GPATCH1: variants seen among roughly 807,000 people sequenced by gnomAD.
GPATCH1 encodes the protein G-patch domain containing 1, also known as G patch domain-containing protein 1.
In GPATCH1, 73 loss-of-function variants were observed where a neutral mutation model predicts 114.9. That is an observed-to-expected ratio of 0.64 (90% CI 0.53 to 0.77). GPATCH1 has a LOEUF of 0.77. GPATCH1 is among the 30% of genes least tolerant of loss of function. The probability of loss-of-function intolerance (pLI) is 0.00; values close to 1 mark genes in which losing one functional copy is unlikely to be tolerated. For missense variants in GPATCH1, 1,058 were observed against 1,144.3 expected, an observed-to-expected ratio of 0.92 and a Z score of 1.09; for synonymous variants, 391 against 428.4, an observed-to-expected ratio of 0.91 and a Z score of 1.08.
chr19:33,095,660 C>T, intron 5 of GPATCH1, 102 bp from the exon 6 acceptor site: 1 of 800,558 alleles, frequency 1.2e-6, no homozygotes, highest in Admixed American at 1.7e-5. Context: ...CCTCAGCCTC[C>T]CAGAGTGCTG....
rs1476326324 is a variant in GPATCH1 at position 33,111,907 on chromosome 19, G to A, written c.1764+5G>A. The A allele has an allele frequency of 1.2e-6, 2 of 1,606,570 alleles. No individual in the cohort carries two copies. The highest frequency in any genetic ancestry group is 2.2e-5 in the South Asian group (2 of 90,892). On this transcript the variant is annotated splice_donor_5th_base_variant and intron_variant, in intron 12 of 19. Coordinates refer to ENST00000170564, the MANE Select transcript of GPATCH1 (RefSeq NM_018025.3). ...GAAGTCCCTCGAGACCAAGAGGTCT[G>A]TTGTCACCATGTCCCTTACCTGGTG...
intron 15 of GPATCH1, among the ~76,000 whole-genome samples, 187 bp downstream of exon 15, chr19:33,114,606 G>T (rs1476766782): frequency 6.6e-6 from 1 of 152,144 alleles, no homozygotes; most frequent in Non-Finnish European, 1.5e-5. Context: ...GCATTCATGT[G>T]CAAGTTTTTG....
intron 15 of GPATCH1, among the ~76,000 whole-genome samples, chr19:33,115,695 T>C (rs1972909685): frequency 6.6e-6 from 1 of 151,884 alleles, no homozygotes; most frequent in African/African-American, 2.4e-5. Flanking sequence ...GGTTTCTCCA[T>C]GTTGGTCAGG....
In GPATCH1 at chr19:33,118,998, G is replaced by A. The variant is rs1230259925; in HGVS notation, c.2414-12G>A. 2.0e-5 allele frequency: 31 copies of A among 1,538,582 alleles called. 1 individual carries two copies. The Admixed American group carries it at 3.0e-4, about 15-fold the overall frequency. On this transcript the variant is annotated splice_polypyrimidine_tract_variant and intron_variant, in intron 16 of 19. Coordinates refer to ENST00000170564, the MANE Select transcript of GPATCH1 (RefSeq NM_018025.3). ...GGCAGACGAATGACATGAACACCCC[G>A]CTGTTTTTCAGCTCTTGTGCCAGCA... is the stretch of plus-strand genomic sequence containing the variant.
intron 3 of GPATCH1, among the ~76,000 whole-genome samples, chr19:33,091,840 T>C (rs1185146637): frequency 6.6e-6 from 1 of 152,138 alleles, no homozygotes; most frequent in Non-Finnish European, 1.5e-5. Context: ...CATTCTTTTT[T>C]TGAGTAGCAT....
At position 33,106,741 on chromosome 19, in the gene GPATCH1, A is replaced by G; in HGVS notation, c.1127A>G (p.Tyr376Cys). 6.2e-7 allele frequency: 1 copy of G among 1,613,990 alleles called. No homozygotes were observed. Among genetic ancestry groups the G allele is most frequent in the African/African-American group, 1.3e-5 (1 of 75,026 alleles). The change falls in exon 10 of 20, where the codon TAT becomes TGT. Residue 376 changes from tyrosine (Y) to cysteine (C), a missense_variant. Tyr to Cys is a radical substitution (Grantham distance 194). Around this residue, in one of 3 missense-constraint regions of GPATCH1, gnomAD observed 893 missense variants for 977.4 expected, o/e 0.91. Coordinates refer to ENST00000170564, the MANE Select transcript of GPATCH1 (RefSeq NM_018025.3). Reference sequence around the variant, plus strand: ...CCAAGAGACTATCGACCAGTGCATTATTTCAGACCCATGGTGGCCGCCACC... The same window carrying G: ...CCAAGAGACTATCGACCAGTGCATTGTTTCAGACCCATGGTGGCCGCCACC... ...ELPRDYRPVH[Y>C]FRPMVAATSE...
At chr19:33,106,027 T>G (rs982790986) in intron 9 of GPATCH1, among the ~76,000 whole-genome samples, 3 of 151,872 alleles carry the variant, frequency 2.0e-5, no homozygotes, top group Non-Finnish European at 4.4e-5. Flanking sequence ...TTTTGTATTT[T>G]TAGTAGAGAT....
intron 8 of GPATCH1, among the ~76,000 whole-genome samples, chr19:33,101,094 T>G (rs1972720985): frequency 6.6e-6 from 1 of 152,236 alleles, no homozygotes; most frequent in African/African-American, 2.4e-5. Flanking sequence ...TTCACCTAGT[T>G]TTACACATGA....
At chr19:33,112,875 C>A in intron 13 of GPATCH1, 1 of 305,558 alleles carries the variant, frequency 3.3e-6, no homozygotes, top group South Asian at 7.0e-5. Context: ...AAGCATTATG[C>A]CTCTCTCATT....
intron 9 of GPATCH1, among the ~76,000 whole-genome samples, chr19:33,102,397 ATTTT>A (rs35403942): frequency 2.2e-5 from 3 of 135,258 alleles, no homozygotes; most frequent in East Asian, 2.2e-4. Context: ...TCTAATTTCT[ATTTT>A]TTTTTTTTTT....
Position 33,109,976 on chromosome 19 carries a change from A to G in GPATCH1, c.1545A>G (p.Arg515=), listed in dbSNP as rs371408477. 2 of 1,613,814 alleles carry G rather than the reference A, an allele frequency of 1.2e-6. No homozygotes were observed. Among genetic ancestry groups the G allele is most frequent in the Non-Finnish European group, 1.7e-6 (2 of 1,179,914 alleles). The part of the protein sequence containing the change: ...PFAKDPEKQK[R]YDEFLVHMKQ... The stretch of plus-strand genomic sequence containing the variant: ...CCAAAGATCCGGAAAAGCAAAAGCG[A>G]TACGACGAGTTCTTAGTACACATGA... The change falls in exon 11 of 20, where the codon CGA becomes CGG. Residue 515 remains arginine, a synonymous_variant. Transcript: ENST00000170564.
At chr19:33,108,417 G>T (rs13345828) in intron 10 of GPATCH1, among the ~76,000 whole-genome samples, 39,830 of 151,782 alleles carry the variant, frequency 0.26, 8,831 homozygotes, top group African/African-American at 0.6. Context: ...TTCCTCCCCT[G>T]GAACACGCCG....
chr19:33,127,153 G>C (rs146198944), intron 19 of GPATCH1, among the ~76,000 whole-genome samples: 51 of 149,718 alleles, frequency 3.4e-4, no homozygotes, highest in African/African-American at 9.7e-4. Context: ...AAAAAAAAAT[G>C]TGTGTATTAA....
intron 8 of GPATCH1, among the ~76,000 whole-genome samples, chr19:33,099,003 A>C (rs981169641): frequency 1.3e-5 from 2 of 150,594 alleles, no homozygotes; most frequent in Non-Finnish European, 3.0e-5. Context: ...TTCTGTCCCC[A>C]AACTATGGAT....
At chr19:33,122,326 C>CT (rs35388450) in intron 17 of GPATCH1, among the ~76,000 whole-genome samples, 153 of 116,128 alleles carry the variant, frequency 1.3e-3, no homozygotes, top group East Asian at 1.5e-3. Flanking sequence ...CCTTTAGTTT[C>CT]TTTTTTTTTT....
chr19:33,130,132 T>C lies in GPATCH1; in HGVS notation c.2768T>C (p.Leu923Pro), dbSNP rs1227527534. Reference protein sequence around the residue: ...DVSPQELLRRLKSLPLRRQ With the variant: ...DVSPQELLRRPKSLPLRRQ ...CTCTTTTCTGTTTTCTTTTCCAGGC[T>C]GAAAAGTCTTCCACTAAGAAGGCAG... Residue 923 changes from leucine to proline, a missense_variant and splice_region_variant, in exon 20 of 20, where the codon CTG (leucine) becomes CCG (proline). Physicochemically the swap from Leu to Pro is moderately conservative, Grantham distance 98 (BLOSUM62 -3). Transcript: ENST00000170564. 6.2e-7 allele frequency: 1 copy of C among 1,610,936 alleles called. No homozygotes were observed. The highest frequency in any genetic ancestry group is 8.5e-7 in the Non-Finnish European group (1 of 1,177,260).
At chr19:33,093,647 G>A (rs1033165549) in intron 4 of GPATCH1, 128 bp downstream of exon 4, 12 of 886,302 alleles carry the variant, frequency 1.4e-5, no homozygotes, top group Non-Finnish European at 1.9e-5. Flanking sequence ...AAGTGAAAAA[G>A]GGGGTTTTGC....
chr19:33,111,159 A>G (rs1005905170), intron 11 of GPATCH1, among the ~76,000 whole-genome samples: 6 of 151,272 alleles, frequency 4.0e-5, no homozygotes, highest in African/African-American at 1.5e-4. Context: ...CAGCCTTCTG[A>G]GCAGCTGGGA....
intron 1 of GPATCH1, among the ~76,000 whole-genome samples, chr19:33,084,764 G>A (rs867726977): frequency 2.0e-4 from 30 of 151,382 alleles, no homozygotes; most frequent in Admixed American, 3.3e-4. Flanking sequence ...AGGTTCAAGC[G>A]ATTCTCCTGC....
Sources: allele counts gnomAD v4.1 joint callset (sites outside exome capture counted in the v4.1 genomes callset), GRCh38; gene constraint gnomAD v4.1.1; regional missense constraint gnomAD v4.1.1; transcripts MANE v1.5; gene names NCBI Gene and HGNC (gene_info 2026-07-23, HGNC 2026-07-21).